GRM3: variants seen among roughly 807,000 people sequenced by gnomAD.
GRM3 encodes the protein metabotropic glutamate receptor 3.
Under a neutral mutation model 70.5 loss-of-function variants are expected in GRM3, and 26 were observed. The ratio of observed to expected loss-of-function variants is 0.37; its 90% CI spans 0.27 to 0.51. The LOEUF is 0.51. Ranked by LOEUF, GRM3 falls within the 20% of genes least tolerant of loss-of-function variation. The probability of loss-of-function intolerance (pLI) is 0.93; values close to 1 mark genes in which losing one functional copy is unlikely to be tolerated. For synonymous variants in GRM3, 443 were observed against 434.9 expected (o/e 1.02, Z -0.23); for missense variants, 859 against 1,123.8 (o/e 0.76, Z 3.37).
At chr7:86,723,075 T>C (rs1379094927) in intron 1 of GRM3, among the ~76,000 whole-genome samples, 2 of 152,130 alleles carry the variant, frequency 1.3e-5, no homozygotes, top group African/African-American at 4.8e-5. Context: ...TTGTGCCTGG[T>C]AAAATTTGTT....
At chr7:86,727,118 T>C (rs185738565) in intron 1 of GRM3, among the ~76,000 whole-genome samples, 1 of 152,236 alleles carries the variant, frequency 6.6e-6, no homozygotes, top group East Asian at 1.9e-4. Context: ...AAATACAAGA[T>C]AACTATAACA....
intron 3 of GRM3, among the ~76,000 whole-genome samples, chr7:86,825,335 C>A (rs1317713291): frequency 6.6e-6 from 1 of 152,168 alleles, no homozygotes; most frequent in Admixed American, 6.5e-5. Flanking sequence ...AATAGAAACC[C>A]TTTCAGGATG....
At chr7:86,789,607 G>A (rs982163787) in intron 3 of GRM3, among the ~76,000 whole-genome samples, 2 of 152,056 alleles carry the variant, frequency 1.3e-5, no homozygotes, top group Non-Finnish European at 2.9e-5. Context: ...CAATAAACTA[G>A]GCACAATAGT....
chr7:86,823,136 T>A (rs758069337), intron 3 of GRM3, among the ~76,000 whole-genome samples: 1 of 152,148 alleles, frequency 6.6e-6, no homozygotes. Flanking sequence ...GCTATCACAA[T>A]AGCCCATAGA....
chr7:86,783,840 T>C (rs1321581080), intron 2 of GRM3, among the ~76,000 whole-genome samples: 3 of 152,222 alleles, frequency 2.0e-5, no homozygotes, highest in Admixed American at 2.0e-4. Context: ...AGTTTGACTA[T>C]ATTATCACCC....
intron 5 of GRM3, among the ~76,000 whole-genome samples, chr7:86,862,716 G>A (rs889238685): frequency 6.6e-6 from 1 of 152,114 alleles, no homozygotes; most frequent in Non-Finnish European, 1.5e-5. Context: ...GTAAAATTGA[G>A]GGGCTGTAGA....
Position 86,798,842 on chromosome 7 carries a change from T to C in GRM3, c.1324+11726T>C, listed in dbSNP as rs189480400. 4.6e-5 allele frequency among the ~76,000 whole-genome samples: 7 copies of C among 151,126 alleles called. No individual in the cohort carries two copies. The East Asian group carries it at 1.4e-3, about 29-fold the overall frequency. On this transcript the variant is annotated intron_variant, in intron 3 of 5. Transcript: ENST00000361669. The stretch of plus-strand genomic sequence containing the variant: ...GACCCAGTGGGAGGTAATTGAATCA[T>C]GGGCTGATGGTTTTATAAAGGAGAG...
intron 5 of GRM3, among the ~76,000 whole-genome samples, chr7:86,861,541 A>C (rs1273221100): frequency 6.6e-6 from 1 of 152,200 alleles, no homozygotes; most frequent in African/African-American, 2.4e-5. Flanking sequence ...CCTGATGACT[A>C]CCTCTTTGAG....
At chr7:86,827,322 T>A (rs982915427) in intron 3 of GRM3, among the ~76,000 whole-genome samples, 2 of 152,146 alleles carry the variant, frequency 1.3e-5, no homozygotes, top group Non-Finnish European at 2.9e-5. Flanking sequence ...AATTCATAAA[T>A]TGGAAATTGG....
chr7:86,739,596 C>A (rs1284198969), intron 1 of GRM3, among the ~76,000 whole-genome samples: 1 of 152,138 alleles, frequency 6.6e-6, no homozygotes, highest in East Asian at 1.9e-4. Context: ...CAGCTGGGAA[C>A]TTTCTGGAAA....
intron 1 of GRM3, among the ~76,000 whole-genome samples, chr7:86,665,145 G>A (rs1212293861): frequency 4.0e-5 from 6 of 151,880 alleles, no homozygotes; most frequent in African/African-American, 4.8e-5. Flanking sequence ...TTTTCGTTCC[G>A]TTTTATTCCA....
At chr7:86,822,284 T>A (rs1319660136) in intron 3 of GRM3, among the ~76,000 whole-genome samples, 1 of 152,138 alleles carries the variant, frequency 6.6e-6, no homozygotes, top group Non-Finnish European at 1.5e-5. Flanking sequence ...TATTTGTGCC[T>A]TTAAGGAGTT....
At chr7:86,692,692 G>A (rs1453970598) in intron 1 of GRM3, among the ~76,000 whole-genome samples, 1 of 152,108 alleles carries the variant, frequency 6.6e-6, no homozygotes. Context: ...TATTCTTGAA[G>A]CTATCTCTGG....
intron 1 of GRM3, among the ~76,000 whole-genome samples, chr7:86,730,628 T>G (rs1287302902): frequency 6.6e-6 from 1 of 152,184 alleles, no homozygotes; most frequent in East Asian, 1.9e-4. Context: ...TCCAAAATAA[T>G]TACGTAACAA....
chr7:86,682,593 G>T (rs1430595242), intron 1 of GRM3, among the ~76,000 whole-genome samples: 1 of 152,110 alleles, frequency 6.6e-6, no homozygotes, highest in Admixed American at 6.6e-5. Context: ...AGAAATAAAA[G>T]GTGTATTGCC....
At chr7:86,696,365 A>C (rs1280442080) in intron 1 of GRM3, among the ~76,000 whole-genome samples, 1 of 133,886 alleles carries the variant, frequency 7.5e-6, no homozygotes, top group South Asian at 3.4e-4. Context: ...ACAATAGTAA[A>C]GATTGGGGGG....
intron 1 of GRM3, among the ~76,000 whole-genome samples, chr7:86,682,726 A>G (rs1308732776): frequency 6.6e-5 from 10 of 152,142 alleles, no homozygotes; most frequent in South Asian, 4.1e-4. Flanking sequence ...TTTTAATCCA[A>G]TCATTCAGCA....
chr7:86,658,160 T>C (rs989635932), intron 1 of GRM3, among the ~76,000 whole-genome samples: 2 of 152,240 alleles, frequency 1.3e-5, no homozygotes. Flanking sequence ...ACTGGCTTCC[T>C]TGACCTTCGT....
intron 1 of GRM3, among the ~76,000 whole-genome samples, chr7:86,718,912 G>A (rs1223368033): frequency 4.0e-5 from 6 of 151,892 alleles, no homozygotes; most frequent in African/African-American, 1.2e-4. Flanking sequence ...AAACTGAATC[G>A]CCACTGCTTT....
Sources: gnomAD v4.1 joint callset for allele counts (sites outside exome capture counted in the v4.1 genomes callset) on GRCh38, gnomAD v4.1.1 for gene constraint, MANE v1.5 for transcripts, NCBI Gene and HGNC (gene_info 2026-07-23, HGNC 2026-07-21) for gene names.